The following THSD4 variants were observed in gnomAD, a reference collection of about 807,000 sequenced individuals.
The protein encoded by THSD4 is thrombospondin type 1 domain containing 4.
THSD4 carries 69 observed loss-of-function variants against 119.0 expected under a neutral mutation model. The ratio of observed to expected loss-of-function variants is 0.58; its 90% CI spans 0.48 to 0.71. THSD4 has a LOEUF of 0.71. Among genes scored for constraint, THSD4 ranks in the 30% least tolerant of loss-of-function variants. The pLI is 0.00. For missense variants in THSD4, 1,393 were observed against 1,391.1 expected (o/e 1.00, Z -0.02); for synonymous variants, 524 against 540.4 (o/e 0.97, Z 0.42).
chr15:71,775,762 CA>C (rs1264915336), intron 17 of THSD4, among the ~76,000 whole-genome samples: 1 of 151,920 alleles, frequency 6.6e-6, no homozygotes, highest in East Asian at 1.9e-4. Context: ...TATGGAAGAG[CA>C]AAAGCAAGGA....
At chr15:71,431,872 C>T (rs778049122) in intron 7 of THSD4, among the ~76,000 whole-genome samples, 2 of 151,992 alleles carry the variant, frequency 1.3e-5, no homozygotes, top group African/African-American at 2.4e-5. Flanking sequence ...GATCTAAAAT[C>T]GGGATTTGTA....
intron 7 of THSD4, among the ~76,000 whole-genome samples, chr15:71,442,193 C>A (rs1014428363): frequency 6.6e-6 from 1 of 151,956 alleles, no homozygotes; most frequent in African/African-American, 2.4e-5. Flanking sequence ...CTCCTGACCT[C>A]GTGATCCACC....
chr15:71,275,525 C>T (rs757352040), intron 6 of THSD4, among the ~76,000 whole-genome samples: 23 of 152,174 alleles, frequency 1.5e-4, no homozygotes, highest in Non-Finnish European at 2.4e-4. Flanking sequence ...TTTACAACTA[C>T]GGTGTGATCA....
chr15:71,379,806 GT>G (rs1157279097), intron 6 of THSD4, among the ~76,000 whole-genome samples: 4 of 151,594 alleles, frequency 2.6e-5, no homozygotes, highest in African/African-American at 9.7e-5. Flanking sequence ...GACCTTTGTT[GT>G]TGTTGTTGTT....
At chr15:71,112,321 C>T (rs2040311456), upstream of THSD4, 1 of 1,234,014 alleles carries the variant, frequency 8.1e-7, no homozygotes, top group African/African-American at 1.5e-5. Flanking sequence ...AAGGGGGGTA[C>T]TATTAATAAT....
At chr15:71,125,996 C>T (rs1362886740) in intron 1 of THSD4, among the ~76,000 whole-genome samples, 2 of 152,146 alleles carry the variant, frequency 1.3e-5, no homozygotes, top group East Asian at 3.9e-4. Flanking sequence ...TGAGATCTTT[C>T]ATTATTCTGT....
Position 71,782,091 on chromosome 15 carries a change from C to G in THSD4, c.*4717C>G, listed in dbSNP as rs149054711. Reference sequence around the variant, plus strand: ...ATGGGGGGCTGCCTGCCCAGGGTCTCTCACCGTGGTGTAAGCAGAGCCATG... The same window carrying G: ...ATGGGGGGCTGCCTGCCCAGGGTCTGTCACCGTGGTGTAAGCAGAGCCATG... On this transcript the variant is annotated 3_prime_UTR_variant, in exon 18 of 18. Coordinates refer to ENST00000261862, the MANE Select transcript of THSD4 (RefSeq NM_024817.3). The G allele has an allele frequency of 6.6e-6, 1 of 152,240 alleles. No individual in the cohort carries two copies. The highest frequency in any genetic ancestry group is 1.5e-5 in the Non-Finnish European group (1 of 68,076). 9.4% of individuals were successfully genotyped at this position (152,240 alleles called of 1,614,324 possible).
intron 7 of THSD4, among the ~76,000 whole-genome samples, chr15:71,641,551 G>A (rs1185217627): frequency 6.6e-6 from 1 of 152,004 alleles, no homozygotes; most frequent in East Asian, 1.9e-4. Context: ...TCTTGCCTGA[G>A]GTCACACAGC....
chr15:71,371,346 G>A (rs536526311), intron 6 of THSD4, among the ~76,000 whole-genome samples: 142 of 152,252 alleles, frequency 9.3e-4, no homozygotes, highest in Non-Finnish European at 1.3e-3. Context: ...TATTTTGCTC[G>A]TTAGTTGATG....
intron 6 of THSD4, among the ~76,000 whole-genome samples, chr15:71,378,194 A>G (rs889609075): frequency 6.6e-6 from 1 of 152,148 alleles, no homozygotes; most frequent in African/African-American, 2.4e-5. Context: ...TTATTAGAAC[A>G]ACTTTCTGGC....
chr15:71,108,453 G>T (rs1473381404), intron 1 of THSD4, among the ~76,000 whole-genome samples: 1 of 152,180 alleles, frequency 6.6e-6, no homozygotes, highest in Non-Finnish European at 1.5e-5. Flanking sequence ...AAGATCCTTA[G>T]CTTTAACATG....
chr15:71,615,208 A>G (rs892710763), intron 7 of THSD4, among the ~76,000 whole-genome samples: 1 of 152,202 alleles, frequency 6.6e-6, no homozygotes, highest in Admixed American at 6.5e-5. Context: ...TTACATGTAA[A>G]TGGAAAAATG....
intron 6 of THSD4, among the ~76,000 whole-genome samples, chr15:71,305,945 C>T (rs1399184180): frequency 6.6e-6 from 1 of 152,110 alleles, no homozygotes; most frequent in East Asian, 1.9e-4. Context: ...GCAGCTTTCC[C>T]TTTATTACTG....
intron 7 of THSD4, among the ~76,000 whole-genome samples, chr15:71,495,452 C>G (rs1186866708): frequency 2.0e-5 from 3 of 152,160 alleles, no homozygotes; most frequent in Admixed American, 2.0e-4. Flanking sequence ...TCCCTCTCAT[C>G]ACTTCACCCT....
At chr15:71,147,995 A>T (rs1056523436) in intron 2 of THSD4, among the ~76,000 whole-genome samples, 1 of 146,110 alleles carries the variant, frequency 6.8e-6, no homozygotes, top group East Asian at 2.1e-4. Context: ...AAAAAAAAAA[A>T]GCTGTACTGT....
chr15:71,460,309 T>TG (rs2047410878), intron 7 of THSD4, among the ~76,000 whole-genome samples: 2 of 150,018 alleles, frequency 1.3e-5, no homozygotes, highest in South Asian at 4.3e-4. Flanking sequence ...TGCCTGGTTT[T>TG]TTTTTTTTTT....
chr15:71,198,363 AG>A (rs2043738124), intron 3 of THSD4, among the ~76,000 whole-genome samples: 2 of 152,260 alleles, frequency 1.3e-5, no homozygotes, highest in Non-Finnish European at 2.9e-5. Context: ...CTGGCACAGA[AG>A]ACTGTGCTGC....
At chr15:71,638,230 T>C (rs532038838) in intron 7 of THSD4, among the ~76,000 whole-genome samples, 27 of 152,242 alleles carry the variant, frequency 1.8e-4, no homozygotes, top group Non-Finnish European at 1.9e-4. Context: ...TAGTATAACA[T>C]TGAGCTGATA....
At chr15:71,266,886 A>T (rs2044470860) in intron 6 of THSD4, among the ~76,000 whole-genome samples, 4 of 151,998 alleles carry the variant, frequency 2.6e-5, no homozygotes, top group African/African-American at 7.2e-5. Flanking sequence ...ACTTAATGAA[A>T]TTACAGCGTG....
Sources: allele counts gnomAD v4.1 joint callset (sites outside exome capture counted in the v4.1 genomes callset), GRCh38; gene constraint gnomAD v4.1.1; transcripts MANE v1.5; gene names NCBI Gene and HGNC (gene_info 2026-07-23, HGNC 2026-07-21).